The following HDGFL2 variants were observed in gnomAD, a reference collection of about 807,000 sequenced individuals.
HDGFL2 encodes the protein hepatoma-derived growth factor-related protein 2.
HDGFL2 carries 36 observed loss-of-function variants against 77.1 expected under a neutral mutation model. The ratio of observed to expected loss-of-function variants is 0.47; its 90% CI spans 0.36 to 0.62. HDGFL2 has a LOEUF of 0.62. Ranked by LOEUF, HDGFL2 falls within the 20% of genes least tolerant of loss-of-function variation. HDGFL2 has a pLI of 0.00. For synonymous variants in HDGFL2, 463 were observed against 413.1 expected (o/e 1.12, Z -1.46); for missense variants, 976 against 973.4 (o/e 1.00, Z -0.04).
chr19:4,500,578 A>AGCCTCCCAGCTC (rs201916776), intron 14 of HDGFL2, among the ~76,000 whole-genome samples: 15,699 of 150,652 alleles, frequency 0.1, 1,004 homozygotes, highest in South Asian at 0.21. Context: ...CTCCTGCCTC[A>AGCCTCCCAGCTC]GCCTCCCGAG....
At chr19:4,494,529 C>A (rs1975650550) in intron 9 of HDGFL2, 54 bp downstream of exon 9, 1 of 1,244,026 alleles carries the variant, frequency 8.0e-7, no homozygotes, top group Non-Finnish European at 1.0e-6. Context: ...GTTTATGGAG[C>A]ATCTACTAGG....
At chr19:4,481,188 AT>A (rs71168906) in intron 3 of HDGFL2, among the ~76,000 whole-genome samples, 33,034 of 50,994 alleles carry the variant, frequency 0.65, 11,873 homozygotes, top group East Asian at 0.8. Context: ...CGCCTGGCTA[AT>A]TTTTTTTTTT....
intron 11 of HDGFL2, 104 bp downstream of exon 11, chr19:4,498,135 C>T: frequency 1.4e-5 from 18 of 1,247,266 alleles, no homozygotes; most frequent in Non-Finnish European, 1.8e-5. Flanking sequence ...AGAGGGTGCT[C>T]AGCACATCCT....
At chr19:4,474,672 C>A (rs763157708) in intron 1 of HDGFL2, among the ~76,000 whole-genome samples, 1 of 152,092 alleles carries the variant, frequency 6.6e-6, no homozygotes, top group Non-Finnish European at 1.5e-5. Flanking sequence ...CTTCCCAGAG[C>A]ACTCGCTTTT....
chr19:4,497,033 CCTGG>C (rs1360409537), intron 10 of HDGFL2: 2 of 395,032 alleles, frequency 5.1e-6, no homozygotes, highest in Non-Finnish European at 1.0e-5. Flanking sequence ...CGCCACCACG[CCTGG>C]CTAATTTTTG....
rs763330722 is a variant in HDGFL2 at position 4,491,552 on chromosome 19, C to T, written c.490-14C>T. 10 of 1,611,164 alleles carry T rather than the reference C, an allele frequency of 6.2e-6. 1 individual carries two copies. Among genetic ancestry groups the T allele is most frequent in the Middle Eastern group, 3.3e-4 (2 of 6,076 alleles). On this transcript the variant is annotated splice_polypyrimidine_tract_variant and intron_variant, in intron 4 of 15. Transcript: ENST00000616600. The stretch of plus-strand genomic sequence containing the variant: ...CCTTCCCATCACTGAGCATTCAGGC[C>T]GTTCCCCTTCCAGATGTCGGTCTCG...
intron 1 of HDGFL2, among the ~76,000 whole-genome samples, chr19:4,473,518 TG>T (rs1481652880): frequency 6.6e-6 from 1 of 150,780 alleles, no homozygotes; most frequent in African/African-American, 2.4e-5. Context: ...ACTTGAGATT[TG>T]GGGTCAGATA....
intron 14 of HDGFL2, among the ~76,000 whole-genome samples, 191 bp from the exon 15 acceptor site, chr19:4,501,000 G>T (rs559316700): frequency 5.3e-5 from 8 of 152,194 alleles, no homozygotes; most frequent in Non-Finnish European, 1.0e-4. Flanking sequence ...AGTGTGGCTC[G>T]GGCTGGGGCT....
At chr19:4,478,095 A>T (rs1288056797) in intron 3 of HDGFL2, among the ~76,000 whole-genome samples, 1 of 151,266 alleles carries the variant, frequency 6.6e-6, no homozygotes, top group East Asian at 1.9e-4. Flanking sequence ...AAAAAAAAAA[A>T]AAGATGCAGA....
At chr19:4,496,869 CTT>C (rs34622619) in intron 10 of HDGFL2, 2,160 of 341,136 alleles carry the variant, frequency 6.3e-3, no homozygotes, top group East Asian at 0.012. Flanking sequence ...TCCCAGCTCA[CTT>C]TTTTTTTTTT....
intron 1 of HDGFL2, among the ~76,000 whole-genome samples, chr19:4,473,979 G>A (rs1245425388): frequency 3.3e-5 from 5 of 152,026 alleles, no homozygotes; most frequent in African/African-American, 9.7e-5. Context: ...GGGTCCCGAC[G>A]ACCTGGATAG....
chr19:4,477,004 A>G (rs921055973), intron 3 of HDGFL2, among the ~76,000 whole-genome samples: 2 of 152,120 alleles, frequency 1.3e-5, no homozygotes, highest in African/African-American at 4.8e-5. Context: ...GAAGAAAAGC[A>G]CATCCGAGGT....
At position 4,494,190 on chromosome 19, in the gene HDGFL2, C is replaced by T. The variant is rs775418623; in HGVS notation, c.939C>T (p.Ile313=). 2.0e-5 allele frequency: 30 copies of T among 1,492,900 alleles called. No individual in the cohort carries two copies. Among genetic ancestry groups the T allele is most frequent in the African/African-American group, 1.0e-4 (7 of 69,986 alleles). 92.5% of individuals were successfully genotyped at this position (1,492,900 alleles called of 1,614,324 possible). ...SDSDSDEVDR[I]SEWKRRDEAR... is the part of the protein sequence containing the mutation. ...GTGACAGCGACGAGGTGGACCGCAT[C>T]AGTGAGTGGAAGCGGCGGGACGAGG... Residue 313 remains isoleucine, a synonymous_variant, in exon 9 of 16, where the codon ATC becomes ATT. Transcript: ENST00000616600.
At position 4,493,972 on chromosome 19, in the gene HDGFL2, C is replaced by G; in HGVS notation, c.839-10C>G. ...GAAGGGAAGGTCACCCCCTCCTCCTCTTCCTGTAGCGGAGAAGCCTCTCCC... is the reference window on the plus strand; with the variant it reads ...GAAGGGAAGGTCACCCCCTCCTCCTGTTCCTGTAGCGGAGAAGCCTCTCCC... On this transcript the variant is annotated splice_polypyrimidine_tract_variant and intron_variant, in intron 7 of 15. Coordinates refer to ENST00000616600, the MANE Select transcript of HDGFL2 (RefSeq NM_001001520.3). The G allele has an allele frequency of 1.2e-6, 2 of 1,605,908 alleles. No individual in the cohort carries two copies. The highest frequency in any genetic ancestry group is 1.7e-6 in the Non-Finnish European group (2 of 1,176,662).
intron 4 of HDGFL2, among the ~76,000 whole-genome samples, chr19:4,490,151 G>C (rs1975469837): frequency 6.6e-6 from 1 of 152,108 alleles, no homozygotes; most frequent in Non-Finnish European, 1.5e-5. Flanking sequence ...GCAATGGCAT[G>C]ATCTCTGCTC....
intron 9 of HDGFL2, among the ~76,000 whole-genome samples, chr19:4,495,850 C>T (rs944737022): frequency 1.3e-5 from 2 of 152,150 alleles, no homozygotes; most frequent in African/African-American, 4.8e-5. Context: ...ACGCCCTCTA[C>T]CCTTGTGGAG....
At position 4,496,298 on chromosome 19, in the gene HDGFL2, A is replaced by G. The variant is rs376536750; in HGVS notation, c.1225-4A>G. 2.5e-5 allele frequency: 41 copies of G among 1,608,334 alleles called. No homozygotes were observed. Among genetic ancestry groups the G allele is most frequent in the South Asian group, 3.3e-5 (3 of 90,958 alleles). ...CTCCAGCGCGCCCTTCCTGACTGCT[A>G]TAGGCCAAGAAATCAGCGAAGAAGC... On this transcript the variant is annotated splice_polypyrimidine_tract_variant and splice_region_variant and intron_variant, in intron 9 of 15. Transcript: ENST00000616600.
chr19:4,495,606 G>A (rs1263757111), intron 9 of HDGFL2, among the ~76,000 whole-genome samples: 2 of 151,390 alleles, frequency 1.3e-5, no homozygotes, highest in African/African-American at 2.4e-5. Flanking sequence ...GACAGAGCAG[G>A]CCGGGTAGGG....
intron 4 of HDGFL2, among the ~76,000 whole-genome samples, chr19:4,489,810 T>C (rs1975460723): frequency 6.6e-6 from 1 of 152,190 alleles, no homozygotes; most frequent in South Asian, 2.1e-4. Flanking sequence ...CTCAGTGGTT[T>C]TTAGTGTGTT....
Sources: gnomAD v4.1 joint callset for allele counts (sites outside exome capture counted in the v4.1 genomes callset) on GRCh38, gnomAD v4.1.1 for gene constraint, MANE v1.5 for transcripts, NCBI Gene and HGNC (gene_info 2026-07-23, HGNC 2026-07-21) for gene names.